The following CFAP77 variants were observed in gnomAD, a reference collection of about 807,000 sequenced individuals.
CFAP77 encodes the protein cilia- and flagella-associated protein 77.
A neutral mutation model predicts 31.1 loss-of-function variants in CFAP77; 25 were observed. The ratio of observed to expected loss-of-function variants is 0.80; its 90% CI spans 0.59 to 1.12. CFAP77 has a LOEUF of 1.12. Among genes scored for constraint, CFAP77 ranks in the 50% most tolerant of loss-of-function variants. The pLI is 0.00. For synonymous variants in CFAP77, 151 were observed against 159.9 expected, an observed-to-expected ratio of 0.94 and a Z score of 0.42; for missense variants, 377 against 397.3, an observed-to-expected ratio of 0.95 and a Z score of 0.44.
At position 132,517,164 on chromosome 9, in the gene CFAP77, G is replaced by A. The variant is rs1852163237; in HGVS notation, c.524+17564G>A. On this transcript the variant is annotated intron_variant, in intron 3 of 5. Transcript: ENST00000393216. This position sits in a 1 kb window ranked among gnomAD's most constrained non-coding sequence, Gnocchi z 4.7. ...TCGTGGAGAGAAGCCCAGCCCTCCA[G>A]CCTTCTCCCTCCTCCCAAACCAGCC... 6.6e-6 allele frequency among the ~76,000 whole-genome samples: 1 copy of A among 152,144 alleles called. No individual in the cohort carries two copies. Among genetic ancestry groups the A allele is most frequent in the South Asian group, 2.1e-4 (1 of 4,830 alleles).
At chr9:132,515,440 C>A (rs1421328694) in intron 3 of CFAP77, among the ~76,000 whole-genome samples, 1 of 152,126 alleles carries the variant, frequency 6.6e-6, no homozygotes, top group Non-Finnish European at 1.5e-5. Context: ...TTAAAAAAAT[C>A]TATTTTATGG....
chr9:132,413,339 CA>C (rs1850041382), intron 1 of CFAP77, among the ~76,000 whole-genome samples: 1 of 152,222 alleles, frequency 6.6e-6, no homozygotes, highest in Non-Finnish European at 1.5e-5. Context: ...AGATGCTCAA[CA>C]ACCATTTGCC....
At position 132,481,337 on chromosome 9, in the gene CFAP77, G is replaced by A. The variant is rs1851443917; in HGVS notation, c.196-17358G>A. On this transcript the variant is annotated intron_variant, in intron 1 of 5. Transcript: ENST00000393216. The surrounding 1 kb of genome is among the most constrained non-coding windows in gnomAD (Gnocchi z 5.0). The stretch of plus-strand genomic sequence containing the variant: ...AGTCTCACAGACATCCCTCCTTGGG[G>A]ACTTCCCCTCTCCTGAAACCCCATC... Among the ~76,000 whole-genome samples, 2 of 152,122 alleles carry A rather than the reference G, an allele frequency of 1.3e-5. No individual in the cohort carries two copies. The highest frequency in any genetic ancestry group is 4.8e-5 in the African/African-American group (2 of 41,418).
chr9:132,460,542 C>T (rs186915298), intron 1 of CFAP77, among the ~76,000 whole-genome samples: 25 of 152,206 alleles, frequency 1.6e-4, no homozygotes, highest in Admixed American at 4.6e-4. Context: ...ATTCCATTTA[C>T]AGGAAATATC....
At chr9:132,456,121 G>A (rs776125254) in intron 1 of CFAP77, among the ~76,000 whole-genome samples, 2 of 152,188 alleles carry the variant, frequency 1.3e-5, no homozygotes, top group Non-Finnish European at 2.9e-5. Flanking sequence ...AGGCTCCGTT[G>A]AACGAGACAG....
intron 3 of CFAP77, among the ~76,000 whole-genome samples, chr9:132,518,269 A>C (rs1306746347): frequency 6.6e-6 from 1 of 151,994 alleles, no homozygotes; most frequent in East Asian, 1.9e-4. Flanking sequence ...GGAAACACTC[A>C]CTCAGAAGTC....
chr9:132,513,425 A>C (rs1157421923), intron 3 of CFAP77: 1 of 1,464,196 alleles, frequency 6.8e-7, no homozygotes, highest in South Asian at 1.4e-5. Context: ...CCCTGTGCAC[A>C]CCTTCCTAGC....
rs536568485 is a variant in CFAP77, at chr9:132,424,284, C to A, written c.195+13818C>A. 3.3e-5 allele frequency among the ~76,000 whole-genome samples: 5 copies of A among 152,244 alleles called. No homozygotes were observed. The highest frequency in any genetic ancestry group is 1.2e-4 in the African/African-American group (5 of 41,544). On this transcript the variant is annotated intron_variant, in intron 1 of 5. Coordinates refer to ENST00000393216, the MANE Select transcript of CFAP77 (RefSeq NM_001282957.2). This position sits in a 1 kb window ranked among gnomAD's most constrained non-coding sequence, Gnocchi z 4.1. ...CGGCATGGCCTCGGGTGCCTGTAGT[C>A]CCAGCTACTCAGGAGGCTGAGGCAG...
intron 3 of CFAP77, among the ~76,000 whole-genome samples, chr9:132,519,574 AGATGGATG>A (rs1226920030): frequency 0.11 from 4,412 of 41,712 alleles, 320 homozygotes; most frequent in East Asian, 0.49. Context: ...ATGGATGGAT[AGATGGATG>A]GATGGATGGA....
chr9:132,421,125 A>G (rs1240617368), intron 1 of CFAP77, among the ~76,000 whole-genome samples: 1 of 149,682 alleles, frequency 6.7e-6, no homozygotes, highest in East Asian at 2.0e-4. Context: ...CTCCTGCCTC[A>G]GCCTCCCAAG....
At chr9:132,506,844 G>A (rs189206724) in intron 3 of CFAP77, among the ~76,000 whole-genome samples, 1 of 152,274 alleles carries the variant, frequency 6.6e-6, no homozygotes, top group Non-Finnish European at 1.5e-5. Flanking sequence ...GGGTCTGAGA[G>A]GTCAAGTCAT....
At chr9:132,438,541 A>ATATATATATATATTTTTTTTTTT in intron 1 of CFAP77, among the ~76,000 whole-genome samples, 1 of 108,152 alleles carries the variant, frequency 9.2e-6, no homozygotes, top group African/African-American at 4.1e-5. Context: ...ATATATATAT[A>ATATATATATATATTTTTTTTTTT]TTTTTTTTTT....
chr9:132,484,179 C>G (rs1851499163), intron 1 of CFAP77, among the ~76,000 whole-genome samples: 2 of 152,088 alleles, frequency 1.3e-5, no homozygotes. Context: ...CTCAAGTGAT[C>G]TGCCCGCCTC....
chr9:132,463,937 A>G (rs1851106604), intron 1 of CFAP77, among the ~76,000 whole-genome samples: 1 of 152,168 alleles, frequency 6.6e-6, no homozygotes. Flanking sequence ...CTCCAAGGAT[A>G]CCTGGGCTGG....
At chr9:132,532,918 T>C (rs1159176881) in intron 3 of CFAP77, among the ~76,000 whole-genome samples, 1 of 152,184 alleles carries the variant, frequency 6.6e-6, no homozygotes, top group Non-Finnish European at 1.5e-5. Flanking sequence ...CCAGATATGG[T>C]GGCGCACGCC....
intron 1 of CFAP77, among the ~76,000 whole-genome samples, chr9:132,496,281 T>C (rs1265645680): frequency 6.6e-6 from 1 of 152,198 alleles, no homozygotes; most frequent in African/African-American, 2.4e-5. Context: ...AAGACAGACA[T>C]TAAACTGATC....
At chr9:132,410,553 C>A in intron 1 of CFAP77, 87 bp downstream of exon 1, 1 of 1,204,738 alleles carries the variant, frequency 8.3e-7, no homozygotes, top group Non-Finnish European at 1.1e-6. Flanking sequence ...GCGCCCTGGC[C>A]CCGCGGCCCG....
In CFAP77 at chr9:132,499,513, A is replaced by G; in HGVS notation, c.437A>G (p.Asp146Gly). 6.2e-7 allele frequency: 1 copy of G among 1,614,198 alleles called. No individual in the cohort carries two copies. The highest frequency in any genetic ancestry group is 1.3e-5 in the African/African-American group (1 of 75,054). Residue 146 changes from aspartate to glycine, a missense_variant, in exon 3 of 6, where the codon GAC becomes GGC. Physicochemically the swap from Asp to Gly is moderately conservative, Grantham distance 94. Transcript: ENST00000393216. This position sits in a 1 kb window ranked among gnomAD's most constrained non-coding sequence, Gnocchi z 5.4. The stretch of plus-strand genomic sequence containing the variant: ...AACTTGCTCTACCGTCAGCTCAATG[A>G]CATCCGCATCAGTGACCAGGATGAC... ...RENLLYRQLN[D>G]IRISDQDDRR... is the part of the protein sequence containing the mutation.
intron 3 of CFAP77, among the ~76,000 whole-genome samples, chr9:132,502,226 G>A (rs1398796333): frequency 6.8e-6 from 1 of 146,200 alleles, no homozygotes; most frequent in Non-Finnish European, 1.5e-5. Context: ...TCCTGGACTA[G>A]GTGCCTTCCT....
Sources: gnomAD v4.1 joint callset for allele counts (sites outside exome capture counted in the v4.1 genomes callset) on GRCh38, gnomAD v4.1.1 for gene constraint, Gnocchi (gnomAD v3.1) non-coding constraint, MANE v1.5 for transcripts, NCBI Gene and HGNC (gene_info 2026-07-23, HGNC 2026-07-21) for gene names.